Variants in CBLC observed in about 807,000 individuals in gnomAD.
CBLC encodes the protein Cbl proto-oncogene C.
In CBLC, 46 loss-of-function variants were observed where a neutral mutation model predicts 58.6. The observed-to-expected ratio is 0.79, with a 90% CI of 0.62 to 1.00. The LOEUF is 1.00. CBLC is among the 50% of genes least tolerant of loss of function. The pLI is 0.00. For synonymous variants in CBLC, 271 were observed against 264.2 expected, an observed-to-expected ratio of 1.03 and a Z score of -0.25; for missense variants, 655 against 625.8, an observed-to-expected ratio of 1.05 and a Z score of -0.50.
chr19:44,787,728 A>G (rs1236694474), intron 5 of CBLC, among the ~76,000 whole-genome samples: 3 of 151,088 alleles, frequency 2.0e-5, no homozygotes. Context: ...GAGGCAAGAG[A>G]ATTGCTTGAA....
intron 6 of CBLC, among the ~76,000 whole-genome samples, chr19:44,791,167 AC>A (rs1355568179): frequency 6.6e-6 from 1 of 151,844 alleles, no homozygotes; most frequent in African/African-American, 2.4e-5. Context: ...TAGGTTAGGC[AC>A]AGTGGTTCAT....
In CBLC at chr19:44,798,435, C is replaced by T. The variant is rs141184367; in HGVS notation, c.1363-1946C>T. Among the ~76,000 whole-genome samples, 974 of 152,156 alleles carry T rather than the reference C, an allele frequency of 6.4e-3. 9 individuals carry two copies. The highest frequency in any genetic ancestry group is 0.022 in the African/African-American group (930 of 41,532). On this transcript the variant is annotated intron_variant, in intron 9 of 10. Coordinates refer to ENST00000647358, the MANE Select transcript of CBLC (RefSeq NM_012116.4). Reference sequence around the variant, plus strand: ...TCAGAAATCTCCACTGGCAGCCAAGCGCGGTGGCTCACACGTGTAATCTCA... The same window carrying T: ...TCAGAAATCTCCACTGGCAGCCAAGTGCGGTGGCTCACACGTGTAATCTCA...
intron 9 of CBLC, among the ~76,000 whole-genome samples, chr19:44,794,690 C>T (rs1735121778): frequency 1.3e-5 from 2 of 151,788 alleles, no homozygotes; most frequent in African/African-American, 4.8e-5. Context: ...GTCTAGAACT[C>T]CTGACTTCAT....
chr19:44,790,822 C>G (rs1968027715), intron 6 of CBLC, among the ~76,000 whole-genome samples: 1 of 152,114 alleles, frequency 6.6e-6, no homozygotes, highest in Non-Finnish European at 1.5e-5. Flanking sequence ...ACATGAAATT[C>G]AAATTTGGAG....
At chr19:44,781,169 G>A (rs774106147) in intron 2 of CBLC, 38 bp from the exon 3 acceptor site, 3 of 1,586,456 alleles carry the variant, frequency 1.9e-6, no homozygotes, top group Non-Finnish European at 2.6e-6. Flanking sequence ...GGCTCTGGGA[G>A]GCCTCAGCGG....
chr19:44,793,574 C>CG lies in CBLC; in HGVS notation c.1238_1239insG (p.Gly414ArgfsTer5). On this transcript the variant is annotated frameshift_variant, in exon 8 of 11. Transcript: ENST00000647358. LOFTEE classifies it high-confidence loss of function. The stretch of plus-strand genomic sequence containing the variant: ...CACGGTCAGGCTACTGCTGAGGACT[C>CG]AGGGAACAGCAGTGACCAGGAAGGC... The CG allele has an allele frequency of 6.2e-7, 1 of 1,607,970 alleles. No homozygotes were observed. The highest frequency in any genetic ancestry group is 1.1e-5 in the South Asian group (1 of 89,718).
chr19:44,799,146 T>TAC (rs1968236980), intron 9 of CBLC, among the ~76,000 whole-genome samples: 1 of 152,182 alleles, frequency 6.6e-6, no homozygotes, highest in South Asian at 2.1e-4. Flanking sequence ...GATAGTTTTC[T>TAC]GTCTTGTTCA....
At position 44,793,490 on chromosome 19, in the gene CBLC, C is replaced by T; in HGVS notation, c.1154C>T (p.Thr385Ile). 1.9e-6 allele frequency: 3 copies of T among 1,611,970 alleles called. No individual in the cohort carries two copies. Among genetic ancestry groups the T allele is most frequent in the Non-Finnish European group, 2.5e-6 (3 of 1,179,130 alleles). The change falls in exon 8 of 11, where the codon ACC becomes ATC. Residue 385 changes from threonine to isoleucine, a missense_variant. Around this residue, in one of 3 missense-constraint regions of CBLC, gnomAD observed 371 missense variants for 370.8 expected, o/e 1.00. Coordinates refer to ENST00000647358, the MANE Select transcript of CBLC (RefSeq NM_012116.4). Reference sequence around the variant, plus strand: ...CTCCCCCAGCACTCGGACAGCCAGACCTGCCCCTTCTGCCGCTGCGAGATC... The same window carrying T: ...CTCCCCCAGCACTCGGACAGCCAGATCTGCCCCTTCTGCCGCTGCGAGATC... Reference protein sequence around the residue: ...LAAWQHSDSQTCPFCRCEIKG... With the variant: ...LAAWQHSDSQICPFCRCEIKG...
chr19:44,799,435 C>T (rs183122696), intron 9 of CBLC, among the ~76,000 whole-genome samples: 107 of 152,266 alleles, frequency 7.0e-4, no homozygotes, highest in African/African-American at 2.4e-3. Context: ...TGGGTTCAAA[C>T]GATTCTCCTG....
chr19:44,793,991 A>G (rs1156373182), intron 8 of CBLC: 1 of 311,772 alleles, frequency 3.2e-6, no homozygotes, highest in Non-Finnish European at 4.7e-6. Context: ...CAAGATTCTC[A>G]GGTCCTAGGG....
chr19:44,795,760 G>C (rs1968164589), intron 9 of CBLC, among the ~76,000 whole-genome samples: 1 of 152,268 alleles, frequency 6.6e-6, no homozygotes, highest in African/African-American at 2.4e-5. Context: ...ATCACTGTCA[G>C]GTTGCAACCT....
At chr19:44,782,852 G>A (rs912997658) in intron 4 of CBLC, among the ~76,000 whole-genome samples, 9 of 152,112 alleles carry the variant, frequency 5.9e-5, no homozygotes, top group Admixed American at 1.3e-4. Flanking sequence ...TGAAAAACAA[G>A]ACATGAGAGT....
chr19:44,791,656 C>T (rs111418080), intron 6 of CBLC, among the ~76,000 whole-genome samples: 2,822 of 151,302 alleles, frequency 0.019, 81 homozygotes, highest in African/African-American at 0.056. Context: ...TCGCTTGAAC[C>T]TGGAGGCAAA....
chr19:44,781,292 A>G lies in CBLC; in HGVS notation c.586A>G (p.Thr196Ala). Residue 196 changes from threonine to alanine, a missense_variant, in exon 3 of 11, where the codon ACC becomes GCC. By Grantham distance (58) the Thr-to-Ala change is moderately conservative. Coordinates refer to ENST00000647358, the MANE Select transcript of CBLC (RefSeq NM_012116.4). Reference sequence around the variant, plus strand: ...AGGCTGCACAGCCCTGGCCTTGCGCACCACCATTGACCTCACCTGCAGCGG... The same window carrying G: ...AGGCTGCACAGCCCTGGCCTTGCGCGCCACCATTGACCTCACCTGCAGCGG... The part of the protein sequence containing the change: ...EPGCTALALR[T>A]TIDLTCSGHV... The G allele has an allele frequency of 6.2e-7, 1 of 1,613,434 alleles. No individual in the cohort carries two copies. The highest frequency in any genetic ancestry group is 8.5e-7 in the Non-Finnish European group (1 of 1,179,998).
At chr19:44,796,060 C>A (rs567375602) in intron 9 of CBLC, among the ~76,000 whole-genome samples, 2 of 151,974 alleles carry the variant, frequency 1.3e-5, no homozygotes, top group South Asian at 4.2e-4. Flanking sequence ...ACTAAAAATG[C>A]AAAAATTAGC....
intron 5 of CBLC, among the ~76,000 whole-genome samples, chr19:44,784,950 G>GTTTGTT (rs1967850075): frequency 8.7e-5 from 3 of 34,356 alleles, no homozygotes; most frequent in Non-Finnish European, 1.3e-4. Context: ...CTAGACAGGT[G>GTTTGTT]TTTTTTTTTT....
At chr19:44,778,411 C>G (rs1265356483) in intron 1 of CBLC, 127 bp downstream of exon 1, 30 of 830,288 alleles carry the variant, frequency 3.6e-5, no homozygotes, top group Middle Eastern at 4.0e-4. Context: ...AACTCAGGCC[C>G]CCACCACCTC....
chr19:44,794,328 C>T, intron 9 of CBLC, 47 bp downstream of exon 9: 1 of 1,579,758 alleles, frequency 6.3e-7, no homozygotes, highest in Non-Finnish European at 8.7e-7. Context: ...TCTCACTCAC[C>T]TCCAGGGTCC....
Position 44,778,232 on chromosome 19 carries a change from C to G in CBLC, c.301C>G (p.Arg101Gly), listed in dbSNP as rs967594513. 8 of 1,461,360 alleles carry G rather than the reference C, an allele frequency of 5.5e-6. No individual in the cohort carries two copies. The African/African-American group carries it at 1.2e-4, about 21-fold the overall frequency. The allele number at this position is 1,461,360 out of a possible 1,614,324, so 90.5% of individuals were successfully genotyped here. Reference sequence around the variant, plus strand: ...GCAGGTGGCCGCGCTGCTGCCTCCCCGGGGCCGAAGGAGTGCCAACGACGA... The same window carrying G: ...GCAGGTGGCCGCGCTGCTGCCTCCCGGGGGCCGAAGGAGTGCCAACGACGA... ...SRQVAALLPP[R>G]GRRSANDELF... Residue 101 changes from arginine to glycine, a missense_variant, in exon 1 of 11, where the codon CGG becomes GGG. By Grantham distance (125) the Arg-to-Gly change is moderately radical. Coordinates refer to ENST00000647358, the MANE Select transcript of CBLC (RefSeq NM_012116.4).
Sources: gnomAD v4.1 joint callset for allele counts (sites outside exome capture counted in the v4.1 genomes callset) on GRCh38, gnomAD v4.1.1 for gene constraint, gnomAD v4.1.1 regional missense constraint, MANE v1.5 for transcripts, NCBI Gene and HGNC (gene_info 2026-07-23, HGNC 2026-07-21) for gene names.